Variants in XRCC5 observed in about 807,000 individuals in gnomAD.
XRCC5 encodes DNA repair protein Ku80.
A neutral mutation model predicts 95.7 loss-of-function variants in XRCC5; 12 were observed. The ratio of observed to expected loss-of-function variants is 0.13; its 90% CI spans 0.08 to 0.20. The LOEUF (loss-of-function observed/expected upper bound fraction) is 0.20, where lower values mean the gene tolerates loss of function less well. Among genes scored for constraint, XRCC5 ranks in the 10% least tolerant of loss-of-function variants. XRCC5 has a pLI of 1.00. For synonymous variants in XRCC5, 281 were observed against 290.3 expected (o/e 0.97, Z 0.33); for missense variants, 595 against 873.9 (o/e 0.68, Z 4.02).
intron 13 of XRCC5, 148 bp downstream of exon 13, chr2:216,141,467 C>A: frequency 3.3e-6 from 2 of 606,514 alleles, no homozygotes; most frequent in Non-Finnish European, 2.5e-6. Flanking sequence ...ACATCTTCCT[C>A]TCCTACTTCA....
intron 19 of XRCC5, among the ~76,000 whole-genome samples, chr2:216,201,435 G>A (rs1689831702): frequency 6.6e-6 from 1 of 152,122 alleles, no homozygotes; most frequent in South Asian, 2.1e-4. Flanking sequence ...GTCTTATGGT[G>A]GTATAGGACT....
At chr2:216,181,482 T>C (rs1028248329) in intron 16 of XRCC5, among the ~76,000 whole-genome samples, 3 of 152,324 alleles carry the variant, frequency 2.0e-5, no homozygotes, top group East Asian at 1.9e-4. Context: ...ATTCAAACCA[T>C]GTTCCTGCTA....
At chr2:216,184,919 T>G (rs1357383897) in intron 16 of XRCC5, among the ~76,000 whole-genome samples, 1 of 152,134 alleles carries the variant, frequency 6.6e-6, no homozygotes, top group Non-Finnish European at 1.5e-5. Context: ...GAGGGAGGTG[T>G]GGGCAGAGCT....
At chr2:216,205,056 G>A (rs1689917241) in intron 20 of XRCC5, 132 bp from the exon 21 acceptor site, 2 of 1,021,952 alleles carry the variant, frequency 2.0e-6, no homozygotes, top group Non-Finnish European at 3.1e-6. Flanking sequence ...AAAATAATGA[G>A]CGGTGAATAA....
chr2:216,175,157 G>A, intron 16 of XRCC5: 1 of 335,716 alleles, frequency 3.0e-6, no homozygotes, highest in Non-Finnish European at 5.8e-6. Flanking sequence ...TCATATCCTG[G>A]TTCACCATCT....
chr2:216,175,324 A>C (rs1040767544), intron 16 of XRCC5: 15 of 459,206 alleles, frequency 3.3e-5, no homozygotes, highest in African/African-American at 2.2e-4. Context: ...CAAAGTTTCC[A>C]CCACAGCCAA....
chr2:216,153,083 T>C (rs182991866), intron 14 of XRCC5, among the ~76,000 whole-genome samples: 353 of 152,338 alleles, frequency 2.3e-3, no homozygotes, highest in Non-Finnish European at 4.0e-3. Context: ...GCCAGGCTCT[T>C]GGAAGAATAG....
At chr2:216,188,770 T>TAA (rs1689557179) in intron 16 of XRCC5, among the ~76,000 whole-genome samples, 1 of 152,246 alleles carries the variant, frequency 6.6e-6, no homozygotes, top group African/African-American at 2.4e-5. Context: ...TTGTATTATT[T>TAA]ACCTTGTTTA....
intron 16 of XRCC5, among the ~76,000 whole-genome samples, chr2:216,185,421 C>G (rs1336921263): frequency 3.9e-5 from 6 of 152,212 alleles, no homozygotes; most frequent in Non-Finnish European, 8.8e-5. Context: ...ACTTTCTTAT[C>G]AGGCAAATAT....
intron 18 of XRCC5, among the ~76,000 whole-genome samples, chr2:216,193,285 T>C (rs1340691262): frequency 6.6e-6 from 1 of 152,208 alleles, no homozygotes; most frequent in Non-Finnish European, 1.5e-5. Flanking sequence ...GTGTTAGGCT[T>C]GATCTTTGCT....
At chr2:216,142,003 G>A (rs901802807) in intron 13 of XRCC5, among the ~76,000 whole-genome samples, 14 of 151,958 alleles carry the variant, frequency 9.2e-5, no homozygotes, top group Admixed American at 7.2e-4. Context: ...GGAGTTAGCC[G>A]AGATCACGAC....
intron 16 of XRCC5, among the ~76,000 whole-genome samples, chr2:216,181,338 A>G (rs1341368226): frequency 6.6e-6 from 1 of 152,086 alleles, no homozygotes; most frequent in Non-Finnish European, 1.5e-5. Context: ...TTAAGTTCTT[A>G]TAGCACAGAT....
intron 12 of XRCC5, among the ~76,000 whole-genome samples, chr2:216,139,717 T>G: frequency 6.6e-6 from 1 of 152,154 alleles, no homozygotes; most frequent in South Asian, 2.1e-4. Flanking sequence ...TATGTTGTTG[T>G]GGCTGGTCTT....
intron 13 of XRCC5, among the ~76,000 whole-genome samples, chr2:216,144,769 A>C (rs1313639544): frequency 6.6e-6 from 1 of 152,244 alleles, no homozygotes; most frequent in Non-Finnish European, 1.5e-5. Flanking sequence ...CAGATTTGAG[A>C]GTCCTCCTCA....
intron 19 of XRCC5, among the ~76,000 whole-genome samples, chr2:216,201,396 G>A (rs1689831242): frequency 6.6e-6 from 1 of 152,210 alleles, no homozygotes; most frequent in Admixed American, 6.5e-5. Flanking sequence ...GGGTCAGTAA[G>A]GGTCTGAGCA....
At chr2:216,120,881 G>A (rs1446754290) in intron 5 of XRCC5, among the ~76,000 whole-genome samples, 5 of 152,080 alleles carry the variant, frequency 3.3e-5, no homozygotes, top group Non-Finnish European at 5.9e-5. Context: ...GATTTCAGGT[G>A]TGTGCCACCA....
chr2:216,115,722 T>A (rs1696684048), intron 2 of XRCC5, among the ~76,000 whole-genome samples: 1 of 152,224 alleles, frequency 6.6e-6, no homozygotes, highest in South Asian at 2.1e-4. Context: ...ATGAAATATT[T>A]CATAAAATAG....
intron 16 of XRCC5, among the ~76,000 whole-genome samples, chr2:216,171,159 G>A (rs1346397925): frequency 2.0e-5 from 3 of 152,234 alleles, no homozygotes; most frequent in Admixed American, 6.5e-5. Flanking sequence ...AATGTGTTAA[G>A]AGGAGCCAAG....
chr2:216,194,854 G>A, intron 18 of XRCC5, 65 bp from the exon 19 acceptor site: 1 of 1,516,178 alleles, frequency 6.6e-7, no homozygotes, highest in South Asian at 1.1e-5. Flanking sequence ...AGGTGTGATG[G>A]AAACGAAAAT....
Sources: allele counts gnomAD v4.1 joint callset (sites outside exome capture counted in the v4.1 genomes callset), GRCh38; gene constraint gnomAD v4.1.1; transcripts MANE v1.5; gene names NCBI Gene and HGNC (gene_info 2026-07-23, HGNC 2026-07-21).